The following XPR1 variants were observed in gnomAD, a reference collection of about 807,000 sequenced individuals.
XPR1 encodes xenotropic and polytropic retrovirus receptor 1.
XPR1 carries 28 observed loss-of-function variants against 87.5 expected under a neutral mutation model. The ratio of observed to expected loss-of-function variants is 0.32; its 90% CI spans 0.24 to 0.44. The LOEUF is 0.44. XPR1 is among the 20% of genes least tolerant of loss of function. The pLI is 1.00. For synonymous variants in XPR1, 300 were observed against 306.1 expected, an observed-to-expected ratio of 0.98 and a Z score of 0.21; for missense variants, 559 against 862.3, an observed-to-expected ratio of 0.65 and a Z score of 4.41.
chr1:180,725,772 G>A (rs1316980688), intron 2 of XPR1, among the ~76,000 whole-genome samples: 1 of 152,186 alleles, frequency 6.6e-6, no homozygotes, highest in African/African-American at 2.4e-5. Context: ...AGGGGATACT[G>A]CAAAGTAGCT....
In XPR1 at chr1:180,889,970, G is replaced by C. The variant is rs1243597634; in HGVS notation, c.*5904G>C. 6.6e-6 allele frequency: 1 copy of C among 152,178 alleles called. No homozygotes were observed. The highest frequency in any genetic ancestry group is 1.5e-5 in the Non-Finnish European group (1 of 68,052). 9.4% of individuals were successfully genotyped at this position (152,178 alleles called of 1,614,324 possible). A position where few individuals can be genotyped will look rare whatever the true frequency, so the allele number is the denominator to read the frequency against. On this transcript the variant is annotated 3_prime_UTR_variant, in exon 15 of 15. Coordinates refer to ENST00000367590, the MANE Select transcript of XPR1 (RefSeq NM_004736.4). ...AGTCTCCACTCTGGTAAATGGAAAA[G>C]GTGATGTCGAAGAATTGATGCTTGC...
chr1:180,721,420 G>T (rs1658176673), intron 2 of XPR1, among the ~76,000 whole-genome samples: 1 of 152,096 alleles, frequency 6.6e-6, no homozygotes, highest in Non-Finnish European at 1.5e-5. Flanking sequence ...GTTCTTAATT[G>T]GTCTGGAATG....
intron 7 of XPR1, among the ~76,000 whole-genome samples, chr1:180,812,354 C>T (rs181857270): frequency 1.3e-3 from 191 of 152,198 alleles, no homozygotes; most frequent in African/African-American, 4.5e-3. Flanking sequence ...GCTAATGACT[C>T]CCAAATATAT....
intron 1 of XPR1, among the ~76,000 whole-genome samples, chr1:180,656,099 A>G (rs1171988085): frequency 6.6e-6 from 1 of 150,986 alleles, no homozygotes; most frequent in Non-Finnish European, 1.5e-5. Flanking sequence ...TCTGCCCCCC[A>G]ATACCCTTCT....
chr1:180,632,097 A>G lies in XPR1; in HGVS notation c.-105A>G, dbSNP rs1000178099. The G allele has an allele frequency of 9.4e-6, 13 of 1,380,926 alleles. No individual in the cohort carries two copies. The South Asian group carries it at 1.2e-4, about 13-fold the overall frequency. 85.5% of individuals were successfully genotyped at this position (1,380,926 alleles called of 1,614,324 possible). A position where few individuals can be genotyped will look rare whatever the true frequency, so the allele number is the denominator to read the frequency against. ...CGGCGGCGGAGGAGGAGAGAAGCGC[A>G]GCGCCGCGCCGCGCCGGGGCCCATG... On this transcript the variant is annotated 5_prime_UTR_variant, in exon 1 of 15. Transcript: ENST00000367590.
chr1:180,793,095 C>G (rs1348910497), intron 3 of XPR1, among the ~76,000 whole-genome samples: 1 of 151,528 alleles, frequency 6.6e-6, no homozygotes, highest in Non-Finnish European at 1.5e-5. Context: ...TTTTTCTTTA[C>G]TAAAAAGGAA....
At chr1:180,851,446 T>C (rs1280743664) in intron 11 of XPR1, among the ~76,000 whole-genome samples, 1 of 152,206 alleles carries the variant, frequency 6.6e-6, no homozygotes, top group Non-Finnish European at 1.5e-5. Flanking sequence ...TATTGGCATT[T>C]ATCCACAATT....
At chr1:180,772,398 T>G (rs960038517) in intron 2 of XPR1, among the ~76,000 whole-genome samples, 4 of 152,166 alleles carry the variant, frequency 2.6e-5, no homozygotes, top group African/African-American at 9.7e-5. Context: ...GGAACCAAGA[T>G]CTGAGTGCTA....
chr1:180,862,012 ATG>A (rs928410485), intron 11 of XPR1, among the ~76,000 whole-genome samples: 1 of 152,100 alleles, frequency 6.6e-6, no homozygotes, highest in African/African-American at 2.4e-5. Context: ...AATTTTGAGT[ATG>A]TGTTACCTTT....
intron 13 of XPR1, chr1:180,877,918 A>G (rs925574939): frequency 2.6e-5 from 4 of 152,184 alleles, no homozygotes; most frequent in African/African-American, 9.7e-5. Context: ...ATATTTTCAG[A>G]TAGGTGTATA....
intron 9 of XPR1, among the ~76,000 whole-genome samples, chr1:180,829,143 C>G (rs532049055): frequency 6.7e-4 from 102 of 152,246 alleles, no homozygotes; most frequent in African/African-American, 2.4e-3. Flanking sequence ...TTGCAATGAG[C>G]TGAAATTGTA....
intron 10 of XPR1, among the ~76,000 whole-genome samples, chr1:180,835,795 G>A (rs564804948): frequency 6.6e-6 from 1 of 152,178 alleles, no homozygotes; most frequent in African/African-American, 2.4e-5. Flanking sequence ...GTGCTCTTGG[G>A]TGTCTTGTGT....
intron 3 of XPR1, among the ~76,000 whole-genome samples, chr1:180,797,531 C>T (rs780480628): frequency 6.6e-6 from 1 of 152,112 alleles, no homozygotes; most frequent in Non-Finnish European, 1.5e-5. Context: ...TTTTAATATG[C>T]ATGTAATGAG....
intron 9 of XPR1, among the ~76,000 whole-genome samples, chr1:180,832,403 A>G (rs1183687033): frequency 2.6e-5 from 4 of 151,924 alleles, no homozygotes; most frequent in African/African-American, 9.7e-5. Flanking sequence ...ATTAGATCCC[A>G]TTTGTCAATT....
At chr1:180,735,441 A>T (rs1342375202) in intron 2 of XPR1, among the ~76,000 whole-genome samples, 1 of 152,230 alleles carries the variant, frequency 6.6e-6, no homozygotes, top group East Asian at 1.9e-4. Context: ...TAAGTTTTTA[A>T]TTAAGTGTTC....
At position 180,832,501 on chromosome 1, in the gene XPR1, T is replaced by C. The variant is rs188390729; in HGVS notation, c.1135-2373T>C. ...TTGAATGGTATTGCCTAGATTTTCT[T>C]CTAGAGTTTTTATGGTTTTAGGTCT... On this transcript the variant is annotated intron_variant, in intron 9 of 14. Transcript: ENST00000367590. Among the ~76,000 whole-genome samples, 3 of 152,352 alleles carry C rather than the reference T, an allele frequency of 2.0e-5. No homozygotes were observed. In the East Asian group the frequency reaches 5.8e-4, roughly 29 times the overall value.
chr1:180,794,046 C>A (rs528155548), intron 3 of XPR1, among the ~76,000 whole-genome samples: 4 of 151,990 alleles, frequency 2.6e-5, no homozygotes, highest in Admixed American at 1.3e-4. Context: ...ATAAATTGGT[C>A]AGAAAATGAA....
intron 1 of XPR1, among the ~76,000 whole-genome samples, chr1:180,660,107 G>A (rs1363793713): frequency 6.6e-6 from 1 of 152,064 alleles, no homozygotes; most frequent in Non-Finnish European, 1.5e-5. Flanking sequence ...GGTTGTATGT[G>A]TCTAGGAATT....
chr1:180,704,277 T>TATATATATATA lies in XPR1; in HGVS notation c.121+21866_121+21867insATATATATATA, dbSNP rs59197475. On this transcript the variant is annotated intron_variant, in intron 2 of 14. Coordinates refer to ENST00000367590, the MANE Select transcript of XPR1 (RefSeq NM_004736.4). ...ATATATATATATATATATATATATA[T>TATATATATATA]TATCAGATTATCTGTTTTGTTACTA... 2.1e-3 allele frequency among the ~76,000 whole-genome samples: 285 copies of TATATATATATA among 135,920 alleles called. 1 individual carries two copies. Among genetic ancestry groups the TATATATATATA allele is most frequent in the Middle Eastern group, 3.9e-3 (1 of 254 alleles). 89.2% of individuals were successfully genotyped at this position (135,920 alleles called of 152,430 possible).
Sources: gnomAD v4.1 joint callset for allele counts (sites outside exome capture counted in the v4.1 genomes callset) on GRCh38, gnomAD v4.1.1 for gene constraint, MANE v1.5 for transcripts, NCBI Gene and HGNC (gene_info 2026-07-23, HGNC 2026-07-21) for gene names.